The following WDR86 variants were observed in gnomAD, a reference collection of about 807,000 sequenced individuals.
WDR86 encodes WD repeat domain 86, also known as WD repeat-containing protein 86.
Under a neutral mutation model 36.5 loss-of-function variants are expected in WDR86, and 30 were observed. That is an observed-to-expected ratio of 0.82 (90% confidence interval 0.61 to 1.11). The LOEUF is 1.11. WDR86 is among the 50% of genes most tolerant of loss of function. The pLI is 0.00. For synonymous variants in WDR86, 255 were observed against 252.9 expected, an observed-to-expected ratio of 1.01 and a Z score of -0.08; for missense variants, 545 against 561.2, an observed-to-expected ratio of 0.97 and a Z score of 0.29.
rs375212445 is a variant in WDR86 at position 151,386,770 on chromosome 7, C to G, written c.727-1547G>C. On this transcript the variant is annotated intron_variant, in intron 3 of 5. Coordinates refer to ENST00000334493, the MANE Select transcript of WDR86 (RefSeq NM_198285.3). ...CTGAGAAAGACCACCCCTCCTGCCTCAGGCTCGGAGGCCCTGCAGGGCCCA... is the reference window on the plus strand; with the variant it reads ...CTGAGAAAGACCACCCCTCCTGCCTGAGGCTCGGAGGCCCTGCAGGGCCCA... Among the ~76,000 whole-genome samples the G allele has an allele frequency of 1.8e-4, 27 of 152,298 alleles. No homozygotes were observed. The East Asian group carries it at 2.9e-3, about 16-fold the overall frequency.
Position 151,390,129 on chromosome 7 carries a change from G to A in WDR86, c.727-4906C>T, listed in dbSNP as rs1030365451. ...GTGTAATGGCCAGCCCTGGTGCCAC[G>A]AACCAAGGGACAGTCAGAGCTCGGG... On this transcript the variant is annotated intron_variant, in intron 3 of 5. Coordinates refer to ENST00000334493, the MANE Select transcript of WDR86 (RefSeq NM_198285.3). The surrounding 1 kb of genome is among the most constrained non-coding windows in gnomAD (Gnocchi z 4.5). 6.6e-5 allele frequency among the ~76,000 whole-genome samples: 10 copies of A among 152,184 alleles called. No homozygotes were observed. The highest frequency in any genetic ancestry group is 1.9e-4 in the African/African-American group (8 of 41,442).
At chr7:151,375,763 G>A, downstream of WDR86, 1 of 905,522 alleles carries the variant, frequency 1.1e-6, no homozygotes. Flanking sequence ...GGCGGGGTCT[G>A]CCTAGCACAT....
chr7:151,404,151 C>T (rs1256634298), intron 1 of WDR86, among the ~76,000 whole-genome samples: 10 of 152,256 alleles, frequency 6.6e-5, no homozygotes, highest in Middle Eastern at 6.8e-3. Flanking sequence ...AGGACATATA[C>T]GCAGATGATG....
At chr7:151,402,398 T>G (rs969122936) in intron 1 of WDR86, among the ~76,000 whole-genome samples, 1 of 152,018 alleles carries the variant, frequency 6.6e-6, no homozygotes. Flanking sequence ...GACACTAACA[T>G]AGACACAGAG....
intron 1 of WDR86, among the ~76,000 whole-genome samples, chr7:151,404,628 C>T (rs541712502): frequency 1.3e-5 from 2 of 152,324 alleles, no homozygotes; most frequent in African/African-American, 2.4e-5. Flanking sequence ...ATCACACCTC[C>T]AGGGGCTGCA....
chr7:151,377,019 C>T, downstream of WDR86: 1 of 1,504,456 alleles, frequency 6.6e-7, no homozygotes, highest in East Asian at 2.4e-5. Flanking sequence ...TCACATAATT[C>T]ACTTACTCCT....
chr7:151,378,159 C>A (rs1311412717), downstream of WDR86: 1 of 152,184 alleles, frequency 6.6e-6, no homozygotes, highest in Admixed American at 6.5e-5. Flanking sequence ...TAACCGTCCT[C>A]ACTGCGCCAC....
At chr7:151,389,798 T>C (rs974569519) in intron 3 of WDR86, among the ~76,000 whole-genome samples, 5 of 152,202 alleles carry the variant, frequency 3.3e-5, no homozygotes, top group African/African-American at 1.2e-4. Context: ...TGAGGTGTCA[T>C]AGACCACGGG....
At chr7:151,368,981 C>T in the WDR86 span, 1 of 1,278,686 alleles carries the variant, frequency 7.8e-7, no homozygotes, top group Non-Finnish European at 1.0e-6. Flanking sequence ...CTCTTTATTA[C>T]TCCAGATTGG....
rs899296443 is a variant in WDR86, at chr7:151,399,548, C to A, written c.305+552G>T. Among the ~76,000 whole-genome samples the A allele has an allele frequency of 7.2e-5, 11 of 152,378 alleles. No individual in the cohort carries two copies. In the South Asian group the frequency reaches 2.1e-3, roughly 29 times the overall value. ...GTGACTCCAACAGTGTCCAACTGAT[C>A]TGATCAGCAAAGGAATTTCCATTGC... On this transcript the variant is annotated intron_variant, in intron 2 of 5. Transcript: ENST00000334493.
At chr7:151,371,837 G>A (rs949949769), downstream of WDR86, among the ~76,000 whole-genome samples, 4 of 152,126 alleles carry the variant, frequency 2.6e-5, no homozygotes, top group Admixed American at 2.6e-4. Context: ...TTGATCTCCC[G>A]GGCTCCAATG....
At chr7:151,387,610 G>A (rs1799084091) in intron 3 of WDR86, among the ~76,000 whole-genome samples, 1 of 152,120 alleles carries the variant, frequency 6.6e-6, no homozygotes, top group Admixed American at 6.5e-5. Flanking sequence ...CCAAGCAGAA[G>A]CAGGAGAGGC....
At chr7:151,369,143 G>A in the WDR86 span, 1 of 273,254 alleles carries the variant, frequency 3.7e-6, no homozygotes, top group Non-Finnish European at 6.9e-6. Context: ...GAGTAGCTGG[G>A]ATTACAGGTG....
At chr7:151,386,940 T>C (rs1246288795) in intron 3 of WDR86, among the ~76,000 whole-genome samples, 1 of 152,146 alleles carries the variant, frequency 6.6e-6, no homozygotes, top group East Asian at 1.9e-4. Flanking sequence ...TCCTCCCTTT[T>C]CCTTCATCGG....
At chr7:151,369,012 C>CTT in the WDR86 span, 115 of 999,814 alleles carry the variant, frequency 1.2e-4, no homozygotes, top group South Asian at 2.2e-4. Context: ...GAAACTTGTC[C>CTT]TTTTTTTTTT....
downstream of WDR86, chr7:151,376,138 G>A: frequency 1.8e-6 from 1 of 549,958 alleles, no homozygotes; most frequent in South Asian, 2.0e-5. Context: ...TTGGAAAGCA[G>A]GAAAACTGGG....
chr7:151,404,504 G>A (rs1165835175), intron 1 of WDR86, among the ~76,000 whole-genome samples: 4 of 152,092 alleles, frequency 2.6e-5, no homozygotes, highest in African/African-American at 9.7e-5. Context: ...CCAGGCCTGC[G>A]GGGTCACCCT....
At chr7:151,373,701 C>T (rs374431711), downstream of WDR86, among the ~76,000 whole-genome samples, 5 of 152,324 alleles carry the variant, frequency 3.3e-5, no homozygotes, top group African/African-American at 4.8e-5. Context: ...GCCTTCCCAC[C>T]GCGTGCAGAA....
exon 2 of WDR86, chr7:151,375,956 C>A: frequency 1.3e-6 from 2 of 1,561,710 alleles, no homozygotes; most frequent in Non-Finnish European, 1.8e-6. Context: ...GAGTGACAGG[C>A]CTTTGTGCCC....
Sources: gnomAD v4.1 joint callset for allele counts (sites outside exome capture counted in the v4.1 genomes callset) on GRCh38, gnomAD v4.1.1 for gene constraint, Gnocchi (gnomAD v3.1) non-coding constraint, MANE v1.5 for transcripts, NCBI Gene and HGNC (gene_info 2026-07-23, HGNC 2026-07-21) for gene names.